The following CYP2C18 variants were observed in gnomAD, a reference collection of about 807,000 sequenced individuals.
CYP2C18 encodes the protein cytochrome P450 2C18.
A neutral mutation model predicts 41.3 loss-of-function variants in CYP2C18; 38 were observed. The ratio of observed to expected loss-of-function variants is 0.92; its 90% CI spans 0.71 to 1.21. CYP2C18 has a LOEUF of 1.21. Among genes scored for constraint, CYP2C18 ranks in the 50% most tolerant of loss-of-function variants. The pLI is 0.00. For synonymous variants in CYP2C18, 236 were observed against 210.0 expected, an observed-to-expected ratio of 1.12 and a Z score of -1.07; for missense variants, 635 against 591.4, an observed-to-expected ratio of 1.07 and a Z score of -0.77.
chr10:94,694,348 G>A (rs1288299620), intron 3 of CYP2C18, among the ~76,000 whole-genome samples: 2 of 152,054 alleles, frequency 1.3e-5, no homozygotes, highest in African/African-American at 2.4e-5. Flanking sequence ...GTGTTAATTT[G>A]TGTTAGATTT....
At position 94,694,902 on chromosome 10, in the gene CYP2C18, T is replaced by C; in HGVS notation, c.482-15T>C. The C allele has an allele frequency of 1.2e-6, 2 of 1,606,806 alleles. No homozygotes were observed. Among genetic ancestry groups the C allele is most frequent in the East Asian group, 2.2e-5 (1 of 44,766 alleles). Reference sequence around the variant, plus strand: ...TATATTTTAATGGTAATTTAAAATATTTCCAATCCTTTAGCCTCACCCTGT... The same window carrying C: ...TATATTTTAATGGTAATTTAAAATACTTCCAATCCTTTAGCCTCACCCTGT... On this transcript the variant is annotated splice_polypyrimidine_tract_variant and intron_variant, in intron 3 of 8. Coordinates refer to ENST00000285979, the MANE Select transcript of CYP2C18 (RefSeq NM_000772.3).
chr10:94,730,334 G>A (rs143876573), intron 7 of CYP2C18, among the ~76,000 whole-genome samples: 4 of 152,044 alleles, frequency 2.6e-5, no homozygotes, highest in African/African-American at 9.7e-5. Flanking sequence ...CCCTTTCAGT[G>A]TAACAGAACA....
At chr10:94,706,642 A>G (rs945381845) in intron 4 of CYP2C18, 142 bp from the exon 5 acceptor site, 4 of 552,438 alleles carry the variant, frequency 7.2e-6, no homozygotes, top group African/African-American at 1.9e-5. Flanking sequence ...ATAGAGGACT[A>G]CTTTGTACGT....
intron 5 of CYP2C18, among the ~76,000 whole-genome samples, chr10:94,717,065 C>A (rs1847561701): frequency 1.3e-5 from 2 of 152,142 alleles, no homozygotes; most frequent in South Asian, 4.1e-4. Flanking sequence ...TATTTTGAGT[C>A]TGTGTGTGTC....
chr10:94,732,263 A>G (rs972091465), intron 7 of CYP2C18, among the ~76,000 whole-genome samples: 1 of 152,226 alleles, frequency 6.6e-6, no homozygotes, highest in African/African-American at 2.4e-5. Context: ...AATCAAAACC[A>G]AAATGGGATA....
At chr10:94,717,029 G>A (rs113660096) in intron 5 of CYP2C18, among the ~76,000 whole-genome samples, 7,248 of 151,974 alleles carry the variant, frequency 0.048, 233 homozygotes, top group South Asian at 0.11. Flanking sequence ...TTTTCCATTT[G>A]CTTGGTAGAT....
intron 4 of CYP2C18, among the ~76,000 whole-genome samples, chr10:94,698,693 C>G (rs1189226846): frequency 2.6e-5 from 4 of 151,974 alleles, no homozygotes; most frequent in South Asian, 2.1e-4. Context: ...AATCCAGGAG[C>G]TGGTTTTTTT....
intron 4 of CYP2C18, among the ~76,000 whole-genome samples, chr10:94,699,582 C>G (rs930752098): frequency 1.3e-5 from 2 of 152,198 alleles, no homozygotes; most frequent in African/African-American, 2.4e-5. Context: ...CAGGGATGCC[C>G]TCTCTCATCA....
intron 3 of CYP2C18, among the ~76,000 whole-genome samples, chr10:94,690,539 T>C (rs1227588140): frequency 1.3e-5 from 2 of 152,162 alleles, no homozygotes; most frequent in Non-Finnish European, 2.9e-5. Flanking sequence ...GAGGCAATAA[T>C]TAATAGCTTA....
At chr10:94,712,509 A>T (rs1278521010) in intron 5 of CYP2C18, among the ~76,000 whole-genome samples, 1 of 152,162 alleles carries the variant, frequency 6.6e-6, no homozygotes, top group Non-Finnish European at 1.5e-5. Context: ...TGTTATCACA[A>T]ATAACAGAAT....
chr10:94,727,931 C>G (rs1398811633), intron 7 of CYP2C18, among the ~76,000 whole-genome samples: 1 of 152,024 alleles, frequency 6.6e-6, no homozygotes, highest in Non-Finnish European at 1.5e-5. Flanking sequence ...GGACTTTCTC[C>G]TACATAATAA....
intron 3 of CYP2C18, among the ~76,000 whole-genome samples, chr10:94,689,579 G>T (rs571462585): frequency 1.3e-5 from 2 of 151,968 alleles, no homozygotes; most frequent in Non-Finnish European, 1.5e-5. Flanking sequence ...GTAAGGCATT[G>T]GTTCTAGGAC....
chr10:94,729,982 A>AGTAT (rs1435282334), intron 7 of CYP2C18, among the ~76,000 whole-genome samples: 1 of 152,170 alleles, frequency 6.6e-6, no homozygotes, highest in Non-Finnish European at 1.5e-5. Context: ...TTAAATCTAA[A>AGTAT]GTATGTTGAA....
At chr10:94,700,279 G>C (rs137954838) in intron 4 of CYP2C18, among the ~76,000 whole-genome samples, 1,854 of 152,234 alleles carry the variant, frequency 0.012, 55 homozygotes, top group African/African-American at 0.043. Flanking sequence ...CCAAAACAGA[G>C]ATATAGACCA....
intron 7 of CYP2C18, among the ~76,000 whole-genome samples, chr10:94,731,990 A>C (rs1181589479): frequency 6.6e-6 from 1 of 152,214 alleles, no homozygotes; most frequent in Non-Finnish European, 1.5e-5. Flanking sequence ...TTTAGTTACA[A>C]ATTAAACTAA....
At chr10:94,714,420 T>C (rs1847502662) in intron 5 of CYP2C18, among the ~76,000 whole-genome samples, 1 of 152,226 alleles carries the variant, frequency 6.6e-6, no homozygotes, top group Admixed American at 6.5e-5. Flanking sequence ...CCCAGTACCA[T>C]TTATTAAATA....
chr10:94,701,533 G>A (rs1453736080), intron 4 of CYP2C18, among the ~76,000 whole-genome samples: 1 of 152,118 alleles, frequency 6.6e-6, no homozygotes. Context: ...AAGAGTTAAT[G>A]GGTGCAGCAC....
At chr10:94,723,365 T>A (rs1847679152) in intron 6 of CYP2C18, among the ~76,000 whole-genome samples, 1 of 152,088 alleles carries the variant, frequency 6.6e-6, no homozygotes, top group Non-Finnish European at 1.5e-5. Context: ...AGGTGGATCA[T>A]GGAGGTGTGA....
intron 7 of CYP2C18, among the ~76,000 whole-genome samples, chr10:94,729,684 G>T (rs535879973): frequency 6.6e-6 from 1 of 152,120 alleles, no homozygotes; most frequent in South Asian, 2.1e-4. Flanking sequence ...TAGGTGTCCA[G>T]TGGCTAAGAG....
Sources: allele counts gnomAD v4.1 joint callset (sites outside exome capture counted in the v4.1 genomes callset), GRCh38; gene constraint gnomAD v4.1.1; transcripts MANE v1.5; gene names NCBI Gene and HGNC (gene_info 2026-07-23, HGNC 2026-07-21).